SLC39A11: variants seen among roughly 807,000 people sequenced by gnomAD.
The protein encoded by SLC39A11 is zinc transporter ZIP11.
Under a neutral mutation model 36.1 loss-of-function variants are expected in SLC39A11, and 33 were observed. That is an observed-to-expected ratio of 0.91 (90% CI 0.69 to 1.22). The LOEUF (loss-of-function observed/expected upper bound fraction) is 1.22. Ranked by LOEUF, SLC39A11 falls within the 50% of genes most tolerant of loss-of-function variation. The pLI is 0.00. For synonymous variants in SLC39A11, 166 were observed against 170.3 expected, an observed-to-expected ratio of 0.97 and a Z score of 0.20; for missense variants, 432 against 430.3, an observed-to-expected ratio of 1.00 and a Z score of -0.03.
chr17:72,751,842 G>A (rs1040195511), intron 6 of SLC39A11, among the ~76,000 whole-genome samples: 3 of 151,900 alleles, frequency 2.0e-5, no homozygotes, highest in Admixed American at 1.3e-4. Flanking sequence ...TTCCCAGAGT[G>A]CTGGGATTAC....
chr17:72,688,512 C>T (rs371861571), intron 7 of SLC39A11, among the ~76,000 whole-genome samples: 4 of 152,212 alleles, frequency 2.6e-5, no homozygotes, highest in African/African-American at 7.2e-5. Context: ...CTCCTCTGAG[C>T]GATCCTCTTC....
chr17:72,667,498 G>C (rs2070808670), intron 7 of SLC39A11, among the ~76,000 whole-genome samples: 2 of 152,228 alleles, frequency 1.3e-5, no homozygotes, highest in Admixed American at 6.5e-5. Flanking sequence ...GTGTTTTCTT[G>C]GCTTCCCAGT....
chr17:72,949,563 C>T (rs1032490150), intron 4 of SLC39A11, among the ~76,000 whole-genome samples: 2 of 151,936 alleles, frequency 1.3e-5, no homozygotes, highest in Non-Finnish European at 2.9e-5. Flanking sequence ...TCTTGGTTCA[C>T]GACGGCACAG....
intron 6 of SLC39A11, among the ~76,000 whole-genome samples, chr17:72,783,209 A>AATCTGC (rs146085872): frequency 0.053 from 7,895 of 149,730 alleles, 850 homozygotes; most frequent in African/African-American, 0.19. Context: ...ACTGAATCTG[A>AATCTGC]ATCTGCTGGC....
intron 7 of SLC39A11, among the ~76,000 whole-genome samples, chr17:72,697,419 A>G (rs1433872494): frequency 6.6e-6 from 1 of 152,152 alleles, no homozygotes; most frequent in African/African-American, 2.4e-5. Flanking sequence ...TTTCCTGATT[A>G]TCCCCAGATG....
chr17:72,958,573 C>T (rs1464813779), intron 4 of SLC39A11, among the ~76,000 whole-genome samples: 2 of 152,050 alleles, frequency 1.3e-5, no homozygotes, highest in South Asian at 2.1e-4. Context: ...GAAGATGGCC[C>T]GGCACAGTGG....
chr17:72,990,937 A>C (rs2089132556), intron 4 of SLC39A11, among the ~76,000 whole-genome samples: 1 of 152,238 alleles, frequency 6.6e-6, no homozygotes, highest in African/African-American at 2.4e-5. Flanking sequence ...TCTACTGTCA[A>C]ATACAATTCG....
intron 4 of SLC39A11, among the ~76,000 whole-genome samples, chr17:72,984,151 T>G: frequency 6.6e-6 from 1 of 152,202 alleles, no homozygotes; most frequent in East Asian, 1.9e-4. Context: ...GCCCATCGAA[T>G]TGCCACTATC....
Position 72,900,125 on chromosome 17 carries a change from A to G in SLC39A11, c.430+47627T>C, listed in dbSNP as rs1395684582. On this transcript the variant is annotated intron_variant, in intron 5 of 9. Transcript: ENST00000255559. ...AAAGAAAGAAAAAGAAAGAAAGAAA[A>G]GAAAGAAAGAAAGAAAAAGAAAGAA... Among the ~76,000 whole-genome samples, 304 of 105,188 alleles carry G rather than the reference A, an allele frequency of 2.9e-3. 48 individuals are homozygous for G. The highest frequency in any genetic ancestry group is 0.018 in the African/African-American group (286 of 16,064). The allele number at this position is 105,188 out of a possible 152,430, so 69.0% of individuals were successfully genotyped here.
chr17:72,729,478 T>G (rs549224980), intron 7 of SLC39A11, among the ~76,000 whole-genome samples: 6,083 of 72,764 alleles, frequency 0.084, 777 homozygotes, highest in Non-Finnish European at 0.1. Context: ...TTTTTTTTTT[T>G]GTAGAGACAG....
chr17:72,850,811 T>C (rs11077638), intron 5 of SLC39A11, among the ~76,000 whole-genome samples: 79,348 of 151,964 alleles, frequency 0.52, 21,205 homozygotes, highest in Middle Eastern at 0.58. Flanking sequence ...GTATTGATGG[T>C]TATTGTTAGT....
intron 5 of SLC39A11, among the ~76,000 whole-genome samples, chr17:72,879,361 A>G (rs1356041879): frequency 6.6e-6 from 1 of 152,158 alleles, no homozygotes; most frequent in African/African-American, 2.4e-5. Flanking sequence ...TTCCATACAA[A>G]AGATACTCTT....
intron 6 of SLC39A11, among the ~76,000 whole-genome samples, chr17:72,748,321 C>CAAA (rs10657048): frequency 0.55 from 81,188 of 147,098 alleles, 24,727 homozygotes; most frequent in Non-Finnish European, 0.71. Context: ...GACTCCATCT[C>CAAA]AAAAAAAAAA....
chr17:72,790,784 C>T (rs555927232), intron 6 of SLC39A11, among the ~76,000 whole-genome samples: 1 of 152,136 alleles, frequency 6.6e-6, no homozygotes, highest in Non-Finnish European at 1.5e-5. Context: ...CCGCCTGCCT[C>T]GGCCTCCCAA....
At chr17:72,898,693 T>C (rs2082155236) in intron 5 of SLC39A11, among the ~76,000 whole-genome samples, 1 of 151,816 alleles carries the variant, frequency 6.6e-6, no homozygotes, top group African/African-American at 2.4e-5. Context: ...ATACATGCAT[T>C]GTGCATATAC....
intron 6 of SLC39A11, among the ~76,000 whole-genome samples, chr17:72,800,758 C>A (rs1436471582): frequency 6.6e-6 from 1 of 152,044 alleles, no homozygotes; most frequent in Non-Finnish European, 1.5e-5. Flanking sequence ...CAAAAGGAAG[C>A]AGGGTGTTCG....
At position 73,011,666 on chromosome 17, in the gene SLC39A11, G is replaced by T. The variant is rs1365801954; in HGVS notation, c.306+19890C>A. ...TACCTCTGGTTTTCTGGTTTTCTTG[G>T]TTTTTTTTTTTTTGGATGGAGTTTC... On this transcript the variant is annotated intron_variant, in intron 4 of 9. Coordinates refer to ENST00000255559, the MANE Select transcript of SLC39A11 (RefSeq NM_139177.4). Among the ~76,000 whole-genome samples, 36 of 143,554 alleles carry T rather than the reference G, an allele frequency of 2.5e-4. No individual in the cohort carries two copies. In the South Asian group the frequency reaches 6.4e-3, roughly 26 times the overall value. The allele number at this position is 143,554 out of a possible 152,430, so 94.2% of individuals were successfully genotyped here.
chr17:73,046,870 G>A (rs934158419), intron 3 of SLC39A11, among the ~76,000 whole-genome samples: 2 of 152,078 alleles, frequency 1.3e-5, no homozygotes, highest in South Asian at 2.1e-4. Context: ...GAGCCCGGGC[G>A]GTTGAGGCTG....
intron 5 of SLC39A11, among the ~76,000 whole-genome samples, chr17:72,911,107 T>C (rs1481839954): frequency 6.6e-6 from 1 of 152,078 alleles, no homozygotes; most frequent in Non-Finnish European, 1.5e-5. Flanking sequence ...CACACCTTTA[T>C]AAATAGACCT....
Sources: gnomAD v4.1 joint callset for allele counts (sites outside exome capture counted in the v4.1 genomes callset) on GRCh38, gnomAD v4.1.1 for gene constraint, MANE v1.5 for transcripts, NCBI Gene and HGNC (gene_info 2026-07-23, HGNC 2026-07-21) for gene names.